The following ATG16L2 variants were observed in gnomAD, a reference collection of about 807,000 sequenced individuals.
ATG16L2 encodes protein Atg16l2.
Under a neutral mutation model 84.7 loss-of-function variants are expected in ATG16L2, and 77 were observed. The observed-to-expected ratio is 0.91, with a 90% CI of 0.76 to 1.10. ATG16L2 has a LOEUF of 1.10. ATG16L2 is among the 50% of genes least tolerant of loss of function. The pLI, the probability that ATG16L2 is intolerant of heterozygous loss-of-function variation, is 0.00. For synonymous variants in ATG16L2, 361 were observed against 342.8 expected (o/e 1.05, Z -0.59); for missense variants, 782 against 817.6 (o/e 0.96, Z 0.53).
downstream of ATG16L2, among the ~76,000 whole-genome samples, chr11:72,831,926 C>T (rs1467668281): frequency 1.3e-5 from 2 of 152,206 alleles, no homozygotes; most frequent in Non-Finnish European, 2.9e-5. Context: ...GGCAGGGCTG[C>T]GGGGCATGCC....
At chr11:72,828,643 G>T in intron 15 of ATG16L2, 86 bp from the exon 16 acceptor site, 1 of 1,596,624 alleles carries the variant, frequency 6.3e-7, no homozygotes, top group South Asian at 1.1e-5. Context: ...CAAACCCCTC[G>T]ACAAAGAGGA....
intron 5 of ATG16L2, chr11:72,841,367 A>C: frequency 8.4e-7 from 1 of 1,188,574 alleles, no homozygotes; most frequent in Non-Finnish European, 1.2e-6. Flanking sequence ...AAAAAAAAGC[A>C]AATGCAGTTT....
chr11:72,824,584 G>A, intron 8 of ATG16L2, 150 bp from the exon 9 acceptor site: 1 of 671,012 alleles, frequency 1.5e-6, no homozygotes, highest in South Asian at 1.7e-5. Context: ...GGTCGAGGCT[G>A]GGTTGGGGAA....
At chr11:72,825,532 G>T in intron 10 of ATG16L2, 125 bp downstream of exon 10, 1 of 739,526 alleles carries the variant, frequency 1.4e-6, no homozygotes, top group Non-Finnish European at 2.3e-6. Context: ...TCTGTGGGCA[G>T]TGACTAGACA....
chr11:72,828,684 A>C (rs768948303), intron 15 of ATG16L2, 45 bp from the exon 16 acceptor site: 1 of 1,610,904 alleles, frequency 6.2e-7, no homozygotes, highest in South Asian at 1.1e-5. Flanking sequence ...GAGGGCAGAG[A>C]CTAGTGATGA....
chr11:72,820,745 C>T (rs1859944281), intron 3 of ATG16L2, among the ~76,000 whole-genome samples: 1 of 152,144 alleles, frequency 6.6e-6, no homozygotes, highest in South Asian at 2.1e-4. Context: ...CAGCCTTGGC[C>T]TGGGCCAGAG....
downstream of ATG16L2, chr11:72,829,671 C>T (rs1860562079): frequency 8.5e-7 from 1 of 1,181,482 alleles, no homozygotes; most frequent in Admixed American, 4.1e-5. Context: ...ATTCATGGTA[C>T]AGAGACCTTT....
In ATG16L2 at chr11:72,822,504, A is replaced by T; in HGVS notation, c.671A>T (p.Glu224Val). 1.9e-6 allele frequency: 3 copies of T among 1,612,936 alleles called. No individual in the cohort carries two copies. Among genetic ancestry groups the T allele is most frequent in the Middle Eastern group, 1.7e-4 (1 of 6,054 alleles). The change falls in exon 6 of 18, where the codon GAG becomes GTG. Residue 224 changes from glutamate (E) to valine (V), a missense_variant. Physicochemically the swap from Glu to Val is moderately radical, Grantham distance 121. Transcript: ENST00000321297. The surrounding 1 kb of genome is among the most constrained non-coding windows in gnomAD (Gnocchi z 4.2). The stretch of plus-strand genomic sequence containing the variant: ...GCCAAGCAGGCGCGGGTGTCCCAGG[A>T]GCTGAAGAAGGCTGCCAAGCGGACC... ...ERAKQARVSQ[E>V]LKKAAKRTVS...
At chr11:72,838,900 T>G (rs778251705) in intron 5 of ATG16L2, 12 of 1,583,986 alleles carry the variant, frequency 7.6e-6, no homozygotes, top group Non-Finnish European at 1.0e-5. Flanking sequence ...TTACGTAGTT[T>G]GTCAGTCAGT....
At chr11:72,815,280 G>A (rs1489957062) in intron 1 of ATG16L2, among the ~76,000 whole-genome samples, 1 of 152,246 alleles carries the variant, frequency 6.6e-6, no homozygotes, top group Non-Finnish European at 1.5e-5. Flanking sequence ...GTGGTTGGAA[G>A]TCTAACCACA....
chr11:72,826,366 A>G, intron 11 of ATG16L2, 123 bp downstream of exon 11: 2 of 1,422,840 alleles, frequency 1.4e-6, no homozygotes, highest in Non-Finnish European at 1.9e-6. Flanking sequence ...CTGGGCTCTT[A>G]CACAGATCCT....
At chr11:72,819,966 T>C (rs367967362) in intron 3 of ATG16L2, among the ~76,000 whole-genome samples, 131 of 152,232 alleles carry the variant, frequency 8.6e-4, no homozygotes, top group Admixed American at 2.4e-3. Flanking sequence ...AGGATGGTTT[T>C]GATCTCCTGA....
Position 72,814,561 on chromosome 11 carries a change from C to A in ATG16L2, c.116C>A (p.Ala39Asp). ...GCGCTTTTCCTGGAGCTGGTGCCGG[C>A]CTGTGAGTGCGCCCCGGTGCTGAGA... ...QKALFLELVP[A>D]YNHLLEKAEL... Residue 39 changes from alanine to aspartate, a missense_variant and splice_region_variant, in exon 1 of 18, where the codon GCC becomes GAC. Physicochemically the swap from Ala to Asp is moderately radical, Grantham distance 126. Transcript: ENST00000321297. The A allele has an allele frequency of 1.3e-6, 2 of 1,570,206 alleles. No individual in the cohort carries two copies. The highest frequency in any genetic ancestry group is 1.7e-4 in the Middle Eastern group (1 of 5,840).
In ATG16L2 at chr11:72,828,522, G is replaced by A. The variant is rs1318129024; in HGVS notation, c.1622+14G>A. On this transcript the variant is annotated intron_variant, in intron 15 of 17. Coordinates refer to ENST00000321297, the MANE Select transcript of ATG16L2 (RefSeq NM_033388.2). The stretch of plus-strand genomic sequence containing the variant: ...CCAGGTGTTCAGGTACCAGCCTCAT[G>A]CCTGCTGACCCTGTGGCCTTTGCTG... 6.2e-7 allele frequency: 1 copy of A among 1,614,156 alleles called. No homozygotes were observed. The highest frequency in any genetic ancestry group is 1.3e-5 in the African/African-American group (1 of 75,068).
chr11:72,826,683 T>A lies in ATG16L2; in HGVS notation c.1246-20T>A. On this transcript the variant is annotated intron_variant, in intron 12 of 17. Transcript: ENST00000321297. ...GGGTCTTGGCCAAACTCTTGATCCG[T>A]ACCTGGGGCCGGGGTACAGGAGACA... 3.1e-6 allele frequency: 5 copies of A among 1,614,076 alleles called. No individual in the cohort carries two copies. Among genetic ancestry groups the A allele is most frequent in the Non-Finnish European group, 4.2e-6 (5 of 1,179,990 alleles).
At chr11:72,827,342 C>T in intron 14 of ATG16L2, 49 bp downstream of exon 14, 1 of 1,458,170 alleles carries the variant, frequency 6.9e-7, no homozygotes, top group East Asian at 2.3e-5. Flanking sequence ...GGGGACAGGG[C>T]TCCCAAGTTC....
At chr11:72,819,934 A>C (rs1047741608) in intron 3 of ATG16L2, among the ~76,000 whole-genome samples, 1 of 151,858 alleles carries the variant, frequency 6.6e-6, no homozygotes, top group African/African-American at 2.4e-5. Flanking sequence ...TTTAGTAGAG[A>C]TGGGGTTTCA....
In ATG16L2 at chr11:72,824,823, C is replaced by A; in HGVS notation, c.977C>A (p.Thr326Asn). 1 of 1,596,686 alleles carries A rather than the reference C, an allele frequency of 6.3e-7. No individual in the cohort carries two copies. Among genetic ancestry groups the A allele is most frequent in the South Asian group, 1.1e-5 (1 of 88,270 alleles). The change falls in exon 9 of 18, where the codon ACC becomes AAC. Residue 326 changes from threonine to asparagine, a missense_variant. By Grantham distance (65) the Thr-to-Asn change is moderately conservative. Transcript: ENST00000321297. ...IPVCVAARLP[T>N]RAQDVLDAHL... The stretch of plus-strand genomic sequence containing the variant: ...GTGTGTGTGGCTGCCCGACTTCCTA[C>A]CCGGGCTCAGGATGTGCTGGTAAGG...
intron 5 of ATG16L2, chr11:72,838,776 T>C: frequency 5.0e-6 from 8 of 1,587,922 alleles, no homozygotes; most frequent in Admixed American, 1.8e-5. Flanking sequence ...CAGTAATGGA[T>C]GGGCAAGCCC....
Sources: allele counts gnomAD v4.1 joint callset (sites outside exome capture counted in the v4.1 genomes callset), GRCh38; gene constraint gnomAD v4.1.1; non-coding constraint Gnocchi (gnomAD v3.1); transcripts MANE v1.5; gene names NCBI Gene and HGNC (gene_info 2026-07-23, HGNC 2026-07-21).